The following FGF12 variants were observed in gnomAD, a reference collection of about 807,000 sequenced individuals.
The protein encoded by FGF12 is fibroblast growth factor 12B.
In FGF12, 14 loss-of-function variants were observed where a neutral mutation model predicts 23.6. The ratio of observed to expected loss-of-function variants is 0.59; its 90% CI spans 0.39 to 0.93. The LOEUF (loss-of-function observed/expected upper bound fraction) is 0.93. Among genes scored for constraint, FGF12 ranks in the 40% least tolerant of loss-of-function variants. FGF12 has a pLI of 0.00. For synonymous variants in FGF12, 62 were observed against 77.3 expected (o/e 0.80, Z 1.04); for missense variants, 175 against 217.8 (o/e 0.80, Z 1.24).
chr3:192,543,452 A>G (rs917176673), intron 2 of FGF12, among the ~76,000 whole-genome samples: 1 of 152,022 alleles, frequency 6.6e-6, no homozygotes, highest in Non-Finnish European at 1.5e-5. Context: ...GCCATTCAAG[A>G]ACCAAGGCCC....
intron 2 of FGF12, among the ~76,000 whole-genome samples, chr3:192,685,257 TAGTC>T (rs1437626464): frequency 6.6e-6 from 1 of 152,126 alleles, no homozygotes; most frequent in Admixed American, 6.5e-5. Context: ...TTCACCGTGT[TAGTC>T]AGGATGGTTT....
intron 4 of FGF12, among the ~76,000 whole-genome samples, chr3:192,292,261 C>T (rs1714796540): frequency 6.6e-6 from 1 of 151,958 alleles, no homozygotes; most frequent in Admixed American, 6.6e-5. Context: ...GTGTTTGTGG[C>T]ATTTTATTGG....
intron 2 of FGF12, among the ~76,000 whole-genome samples, chr3:192,586,822 C>G (rs1713391549): frequency 6.6e-6 from 1 of 152,076 alleles, no homozygotes; most frequent in Non-Finnish European, 1.5e-5. Context: ...CAGACTAGAC[C>G]ACACTCATTT....
At chr3:192,211,745 AAAAATATTGT>A (rs772103425) in intron 4 of FGF12, among the ~76,000 whole-genome samples, 2 of 152,154 alleles carry the variant, frequency 1.3e-5, no homozygotes, top group Non-Finnish European at 2.9e-5. Flanking sequence ...TTGTAAACAT[AAAAATATTGT>A]AAAATATTGT....
intron 3 of FGF12, among the ~76,000 whole-genome samples, chr3:192,347,791 C>T (rs2108717883): frequency 6.6e-6 from 1 of 152,252 alleles, no homozygotes; most frequent in South Asian, 2.1e-4. Flanking sequence ...TCTGAAATGG[C>T]TCTTGATCAC....
chr3:192,216,910 T>C (rs1359921965), intron 4 of FGF12, among the ~76,000 whole-genome samples: 2 of 152,206 alleles, frequency 1.3e-5, no homozygotes, highest in African/African-American at 2.4e-5. Context: ...ATCTTAATAA[T>C]TGAATATTAA....
chr3:192,691,264 G>A (rs541973652), intron 2 of FGF12, among the ~76,000 whole-genome samples: 33 of 152,142 alleles, frequency 2.2e-4, no homozygotes, highest in African/African-American at 7.0e-4. Flanking sequence ...GAACATTGTC[G>A]AGTATAGATT....
At chr3:192,382,427 C>T (rs368778024) in intron 2 of FGF12, among the ~76,000 whole-genome samples, 1 of 152,186 alleles carries the variant, frequency 6.6e-6, no homozygotes, top group Admixed American at 6.5e-5. Context: ...AAAACCTAAA[C>T]ACCATTGCAC....
rs146115800 is a variant in FGF12, at chr3:192,432,156, CT to C, written c.14-71619del. On this transcript the variant is annotated intron_variant, in intron 2 of 5. Coordinates refer to ENST00000445105, the MANE Select transcript of FGF12 (RefSeq NM_004113.6). The stretch of plus-strand genomic sequence containing the variant: ...ACTGACACCAGTTATGTCCCAGGAG[CT>C]GTCCTAAGTACTAACAAAGATGCAA... Among the ~76,000 whole-genome samples the C allele has an allele frequency of 8.3e-3, 1,268 of 152,302 alleles. 20 individuals are homozygous for C. The highest frequency in any genetic ancestry group is 0.028 in the African/African-American group (1,176 of 41,550).
chr3:192,413,879 C>T, intron 2 of FGF12, among the ~76,000 whole-genome samples: 1 of 152,176 alleles, frequency 6.6e-6, no homozygotes, highest in Non-Finnish European at 1.5e-5. Flanking sequence ...TATAAAGTAG[C>T]TGTATTTCCA....
chr3:192,721,577 G>C (rs1445599647), intron 2 of FGF12, among the ~76,000 whole-genome samples: 1 of 152,122 alleles, frequency 6.6e-6, no homozygotes, highest in East Asian at 1.9e-4. Context: ...ACCATTATTG[G>C]TCAATCAGTA....
At chr3:192,275,043 A>G (rs1713693018) in intron 4 of FGF12, among the ~76,000 whole-genome samples, 1 of 152,210 alleles carries the variant, frequency 6.6e-6, no homozygotes, top group African/African-American at 2.4e-5. Context: ...TAGATTAAAG[A>G]TGATTAGTAT....
At position 192,182,303 on chromosome 3, in the gene FGF12, T is replaced by C. The variant is rs1487909013; in HGVS notation, c.229-11647A>G. 2.6e-5 allele frequency among the ~76,000 whole-genome samples: 4 copies of C among 152,120 alleles called. No homozygotes were observed. The East Asian group carries it at 7.7e-4, about 29-fold the overall frequency. On this transcript the variant is annotated intron_variant, in intron 4 of 5. Transcript: ENST00000445105. The stretch of plus-strand genomic sequence containing the variant: ...TCAAGTAATGAATTTAGGGGAAAAA[T>C]TCTGGGTCAAGTACAATTAATGTAC...
chr3:192,455,529 G>A (rs1011983031), intron 2 of FGF12, among the ~76,000 whole-genome samples: 2 of 152,110 alleles, frequency 1.3e-5, no homozygotes, highest in African/African-American at 4.8e-5. Context: ...TCTGCACACA[G>A]GATCTCTTTA....
At chr3:192,494,308 G>A (rs2108828270) in intron 2 of FGF12, among the ~76,000 whole-genome samples, 1 of 152,254 alleles carries the variant, frequency 6.6e-6, no homozygotes, top group Middle Eastern at 3.4e-3. Context: ...CAGTCATCTA[G>A]CATCTGTTTG....
chr3:192,453,627 T>A (rs1388131400), intron 2 of FGF12, among the ~76,000 whole-genome samples: 1 of 152,196 alleles, frequency 6.6e-6, no homozygotes, highest in Non-Finnish European at 1.5e-5. Flanking sequence ...ATGTTTGCTT[T>A]CCTTCAGAGA....
chr3:192,677,158 C>A (rs976252745), intron 2 of FGF12, among the ~76,000 whole-genome samples: 1 of 152,194 alleles, frequency 6.6e-6, no homozygotes, highest in African/African-American at 2.4e-5. Flanking sequence ...TCAACACATA[C>A]AATAAAGACG....
chr3:192,522,364 GTCA>G, intron 2 of FGF12, among the ~76,000 whole-genome samples: 1 of 152,244 alleles, frequency 6.6e-6, no homozygotes, highest in Admixed American at 6.5e-5. Flanking sequence ...CATTTGAAAA[GTCA>G]TCAGATTCAC....
At chr3:192,345,210 A>G (rs953984858) in intron 3 of FGF12, among the ~76,000 whole-genome samples, 6 of 152,250 alleles carry the variant, frequency 3.9e-5, no homozygotes, top group African/African-American at 1.2e-4. Context: ...ACCTGCCATC[A>G]TAGTAGTTAA....
Sources: gnomAD v4.1 joint callset for allele counts (sites outside exome capture counted in the v4.1 genomes callset) on GRCh38, gnomAD v4.1.1 for gene constraint, MANE v1.5 for transcripts, NCBI Gene and HGNC (gene_info 2026-07-23, HGNC 2026-07-21) for gene names.